RAB38: variants seen among roughly 807,000 people sequenced by gnomAD.
RAB38 encodes the protein ras-related protein Rab-38.
A neutral mutation model predicts 18.4 loss-of-function variants in RAB38; 15 were observed. That is an observed-to-expected ratio of 0.82 (90% CI 0.55 to 1.26). The LOEUF (loss-of-function observed/expected upper bound fraction) is 1.26. Ranked by LOEUF, RAB38 falls within the 50% of genes most tolerant of loss-of-function variation. The probability of loss-of-function intolerance (pLI) is 0.00; values close to 1 mark genes in which losing one functional copy is unlikely to be tolerated. For missense variants in RAB38, 294 were observed against 267.4 expected, an observed-to-expected ratio of 1.10 and a Z score of -0.69; for synonymous variants, 101 against 104.4, an observed-to-expected ratio of 0.97 and a Z score of 0.20.
the RAB38 span, among the ~76,000 whole-genome samples, chr11:87,939,413 C>G: frequency 6.7e-6 from 1 of 148,982 alleles, no homozygotes; most frequent in African/African-American, 2.5e-5. Flanking sequence ...CACACACACA[C>G]TCCTTGACAT....
chr11:87,904,992 T>A, the RAB38 span, among the ~76,000 whole-genome samples: 1 of 151,774 alleles, frequency 6.6e-6, no homozygotes, highest in Admixed American at 6.6e-5. Flanking sequence ...AAGTCTCTTT[T>A]GGCCTCTTCT....
At chr11:88,097,410 A>G in the RAB38 span, among the ~76,000 whole-genome samples, 2 of 151,912 alleles carry the variant, frequency 1.3e-5, no homozygotes, top group African/African-American at 4.8e-5. Context: ...TGGATCCTAG[A>G]ACAATCTTTG....
the RAB38 span, among the ~76,000 whole-genome samples, chr11:87,944,339 G>A: frequency 4.6e-5 from 7 of 152,246 alleles, no homozygotes; most frequent in South Asian, 2.1e-4. Context: ...AATGAAGCAC[G>A]TTTGTATTTG....
At chr11:88,074,515 A>G in the RAB38 span, among the ~76,000 whole-genome samples, 2 of 152,182 alleles carry the variant, frequency 1.3e-5, no homozygotes, top group Non-Finnish European at 2.9e-5. Flanking sequence ...TCCTTTTTGT[A>G]AGCCTCATAG....
chr11:87,941,555 A>G, the RAB38 span, among the ~76,000 whole-genome samples: 2 of 152,040 alleles, frequency 1.3e-5, no homozygotes. Flanking sequence ...GACAGAATCT[A>G]TGTCCTTCAT....
At chr11:87,936,218 G>C in the RAB38 span, among the ~76,000 whole-genome samples, 5 of 151,886 alleles carry the variant, frequency 3.3e-5, no homozygotes, top group African/African-American at 1.2e-4. Flanking sequence ...TCTTTGCCTA[G>C]TTAGACTTAC....
the RAB38 span, among the ~76,000 whole-genome samples, chr11:87,941,020 T>C: frequency 3.3e-5 from 5 of 151,590 alleles, no homozygotes; most frequent in Non-Finnish European, 7.4e-5. Context: ...AGTACCTGTT[T>C]TGCATGTACC....
chr11:87,817,178 G>C, the RAB38 span: 1 of 152,172 alleles, frequency 6.6e-6, no homozygotes. Flanking sequence ...CTGCTATAAG[G>C]TATACAAATC....
the RAB38 span, among the ~76,000 whole-genome samples, chr11:87,868,828 T>G: frequency 1.3e-5 from 2 of 151,554 alleles, no homozygotes; most frequent in African/African-American, 4.8e-5. Flanking sequence ...TGTTGCCTCC[T>G]TCTCAGGAGA....
At chr11:88,059,614 G>A in the RAB38 span, among the ~76,000 whole-genome samples, 2 of 152,196 alleles carry the variant, frequency 1.3e-5, no homozygotes, top group Non-Finnish European at 2.9e-5. Context: ...CAGTATTTCT[G>A]TGAGACTATT....
chr11:87,899,999 C>T, the RAB38 span, among the ~76,000 whole-genome samples: 2 of 151,308 alleles, frequency 1.3e-5, no homozygotes, highest in African/African-American at 4.8e-5. Context: ...TTCATTCATT[C>T]AACAAATATT....
At chr11:88,069,545 A>G in the RAB38 span, among the ~76,000 whole-genome samples, 1 of 152,238 alleles carries the variant, frequency 6.6e-6, no homozygotes. Context: ...TTTTATGTCT[A>G]GCCGGAGGAT....
the RAB38 span, among the ~76,000 whole-genome samples, chr11:87,926,815 G>A: frequency 1.3e-5 from 2 of 152,022 alleles, no homozygotes; most frequent in African/African-American, 4.8e-5. Flanking sequence ...GCACTGAGCT[G>A]CAGCTCTGTC....
At chr11:88,144,960 G>C (rs1052720238) in intron 2 of RAB38, among the ~76,000 whole-genome samples, 1 of 152,138 alleles carries the variant, frequency 6.6e-6, no homozygotes, top group Non-Finnish European at 1.5e-5. Context: ...AATGGAGCAG[G>C]CTGGAAAGAG....
chr11:87,872,060 C>G, the RAB38 span, among the ~76,000 whole-genome samples: 45 of 151,532 alleles, frequency 3.0e-4, no homozygotes, highest in African/African-American at 1.0e-3. Flanking sequence ...AATACTTTAC[C>G]AAATTGGTTG....
At chr11:87,936,923 T>A in the RAB38 span, among the ~76,000 whole-genome samples, 1 of 152,124 alleles carries the variant, frequency 6.6e-6, no homozygotes, top group African/African-American at 2.4e-5. Flanking sequence ...CCATGCCATT[T>A]GCATTTATTT....
chr11:87,832,847 A>G, the RAB38 span, among the ~76,000 whole-genome samples: 10 of 150,262 alleles, frequency 6.7e-5, no homozygotes, highest in Non-Finnish European at 1.0e-4. Context: ...CCCTTTTACC[A>G]TGTAACGTAA....
the RAB38 span, among the ~76,000 whole-genome samples, chr11:87,854,394 T>G: frequency 6.6e-6 from 1 of 152,210 alleles, no homozygotes. Flanking sequence ...TATAGATCTT[T>G]TTATTTCTCT....
the RAB38 span, among the ~76,000 whole-genome samples, chr11:87,891,884 CTT>C: frequency 6.6e-6 from 1 of 151,752 alleles, no homozygotes; most frequent in Non-Finnish European, 1.5e-5. Flanking sequence ...TTTAGTTTCT[CTT>C]TTGTTTTTTC....
Sources: gnomAD v4.1 joint callset for allele counts (sites outside exome capture counted in the v4.1 genomes callset) on GRCh38, gnomAD v4.1.1 for gene constraint, MANE v1.5 for transcripts, NCBI Gene and HGNC (gene_info 2026-07-23, HGNC 2026-07-21) for gene names.